Variants in SLC24A2 observed in about 807,000 individuals in gnomAD.
SLC24A2 encodes sodium/potassium/calcium exchanger 2.
SLC24A2 carries 36 observed loss-of-function variants against 62.0 expected under a neutral mutation model. The observed-to-expected ratio is 0.58, with a 90% CI of 0.44 to 0.77. The LOEUF is 0.77. SLC24A2 is among the 30% of genes least tolerant of loss of function. The pLI, the probability that SLC24A2 is intolerant of heterozygous loss-of-function variation, is 0.00. For synonymous variants in SLC24A2, 358 were observed against 294.0 expected (o/e 1.22, Z -2.23); for missense variants, 846 against 817.9 (o/e 1.03, Z -0.42).
chr9:19,893,471 T>G, the SLC24A2 span, among the ~76,000 whole-genome samples: 1 of 152,226 alleles, frequency 6.6e-6, no homozygotes, highest in Admixed American at 6.5e-5. Context: ...ATTAAAGTTT[T>G]GGAGACACTC....
chr9:19,544,762 C>T (rs1031594230), intron 8 of SLC24A2, among the ~76,000 whole-genome samples: 12 of 152,342 alleles, frequency 7.9e-5, no homozygotes, highest in African/African-American at 2.9e-4. Flanking sequence ...CCCCCACTCT[C>T]TTCTAGCTTG....
chr9:19,982,499 A>G, the SLC24A2 span, among the ~76,000 whole-genome samples: 1 of 152,198 alleles, frequency 6.6e-6, no homozygotes, highest in African/African-American at 2.4e-5. Flanking sequence ...TTGGAAAAGC[A>G]CTATGGCTAT....
chr9:20,130,130 C>A, the SLC24A2 span, among the ~76,000 whole-genome samples: 2,159 of 152,082 alleles, frequency 0.014, 60 homozygotes, highest in African/African-American at 0.049. Context: ...AATTATAAGA[C>A]TAGCTAATAA....
At chr9:19,591,973 A>G (rs1269979567) in intron 5 of SLC24A2, among the ~76,000 whole-genome samples, 1 of 152,250 alleles carries the variant, frequency 6.6e-6, no homozygotes, top group African/African-American at 2.4e-5. Context: ...TTAAAGTAAC[A>G]TTATTTAGTT....
At chr9:20,089,269 C>CGGTCCG in the SLC24A2 span, among the ~76,000 whole-genome samples, 47 of 152,148 alleles carry the variant, frequency 3.1e-4, no homozygotes, top group African/African-American at 9.9e-4. Flanking sequence ...ATACAGGTCC[C>CGGTCCG]GGTCCCGGTC....
At chr9:19,967,668 A>G in the SLC24A2 span, 19 of 152,312 alleles carry the variant, frequency 1.2e-4, no homozygotes, top group East Asian at 3.5e-3. Context: ...ATCTCATCAT[A>G]AGATATATCC....
the SLC24A2 span, among the ~76,000 whole-genome samples, chr9:19,934,811 G>A: frequency 1.3e-5 from 2 of 152,124 alleles, no homozygotes; most frequent in Non-Finnish European, 2.9e-5. The surrounding 1 kb of genome is among the most constrained non-coding windows in gnomAD (Gnocchi z 4.1). Context: ...TGGCGGGGAG[G>A]GCAAGCGTGG....
chr9:19,723,742 T>C (rs925372304), intron 2 of SLC24A2, among the ~76,000 whole-genome samples: 21 of 151,994 alleles, frequency 1.4e-4, no homozygotes, highest in African/African-American at 4.8e-4. Flanking sequence ...TAATTAATAA[T>C]AGAAGTCCAG....
At chr9:19,551,705 G>A (rs1044736321) in intron 7 of SLC24A2, among the ~76,000 whole-genome samples, 3 of 152,176 alleles carry the variant, frequency 2.0e-5, no homozygotes, top group African/African-American at 7.2e-5. Flanking sequence ...TCCCTACAGA[G>A]GTGGCATGAG....
the SLC24A2 span, among the ~76,000 whole-genome samples, chr9:20,038,619 TAAAAGA>T: frequency 5.4e-5 from 3 of 55,176 alleles, no homozygotes; most frequent in African/African-American, 7.8e-5. Context: ...GCAGAGTCAG[TAAAAGA>T]AACAAACAAA....
chr9:20,146,292 T>G, the SLC24A2 span, among the ~76,000 whole-genome samples: 4 of 152,114 alleles, frequency 2.6e-5, no homozygotes, highest in African/African-American at 9.7e-5. Flanking sequence ...AGGTTCTGTC[T>G]GAGTCGTGTT....
chr9:20,222,366 CG>C, the SLC24A2 span, among the ~76,000 whole-genome samples: 1 of 151,750 alleles, frequency 6.6e-6, no homozygotes, highest in African/African-American at 2.4e-5. Flanking sequence ...AAACAATCAA[CG>C]TAAGTATTTA....
chr9:19,823,980 G>A, the SLC24A2 span, among the ~76,000 whole-genome samples: 6 of 152,114 alleles, frequency 3.9e-5, no homozygotes, highest in Non-Finnish European at 5.9e-5. Flanking sequence ...TGCAGAAAAC[G>A]GAAACTGGAC....
the SLC24A2 span, among the ~76,000 whole-genome samples, chr9:19,836,977 C>A: frequency 1.3e-5 from 2 of 152,230 alleles, no homozygotes; most frequent in South Asian, 4.1e-4. Flanking sequence ...AAGACAAAAA[C>A]CACACGATTA....
the SLC24A2 span, among the ~76,000 whole-genome samples, chr9:19,818,969 A>C: frequency 2.6e-5 from 4 of 152,206 alleles, no homozygotes; most frequent in Admixed American, 1.3e-4. Flanking sequence ...CATAGTCACC[A>C]AAACAGCATG....
At chr9:20,183,659 G>A in the SLC24A2 span, among the ~76,000 whole-genome samples, 3 of 152,202 alleles carry the variant, frequency 2.0e-5, no homozygotes, top group African/African-American at 7.2e-5. Flanking sequence ...TGAAGAATGG[G>A]TAACTTTTAG....
At chr9:19,930,198 C>A in the SLC24A2 span, among the ~76,000 whole-genome samples, 1 of 152,122 alleles carries the variant, frequency 6.6e-6, no homozygotes, top group Non-Finnish European at 1.5e-5. Flanking sequence ...ACTCACTCAC[C>A]AACTCACCCA....
At chr9:19,932,943 C>G in the SLC24A2 span, among the ~76,000 whole-genome samples, 12 of 152,340 alleles carry the variant, frequency 7.9e-5, no homozygotes, top group South Asian at 2.5e-3. Flanking sequence ...GAACCTAAGG[C>G]TGGAAGGCCA....
chr9:19,517,744 G>A (rs1245819144), intron 10 of SLC24A2, among the ~76,000 whole-genome samples: 1 of 151,998 alleles, frequency 6.6e-6, no homozygotes, highest in Non-Finnish European at 1.5e-5. Context: ...GCAGGAGGGG[G>A]CAGCCTTGGC....
Sources: allele counts gnomAD v4.1 joint callset (sites outside exome capture counted in the v4.1 genomes callset), GRCh38; gene constraint gnomAD v4.1.1; non-coding constraint Gnocchi (gnomAD v3.1); transcripts MANE v1.5; gene names NCBI Gene and HGNC (gene_info 2026-07-23, HGNC 2026-07-21).